The following CACNA1C variants were observed in gnomAD, a reference collection of about 807,000 sequenced individuals.
CACNA1C encodes voltage-dependent L-type calcium channel subunit alpha-1C.
A neutral mutation model predicts 229.0 loss-of-function variants in CACNA1C; 30 were observed. That is an observed-to-expected ratio of 0.13 (90% CI 0.10 to 0.18). The LOEUF (loss-of-function observed/expected upper bound fraction) is 0.18. CACNA1C is among the 10% of genes least tolerant of loss of function. The pLI is 1.00. For synonymous variants in CACNA1C, 1,114 were observed against 1,132.5 expected (o/e 0.98, Z 0.33); for missense variants, 1,658 against 2,845.0 (o/e 0.58, Z 9.49).
At chr12:2,069,905 A>AT (rs1462184484) in intron 1 of CACNA1C, among the ~76,000 whole-genome samples, 1 of 152,082 alleles carries the variant, frequency 6.6e-6, no homozygotes, top group Admixed American at 6.5e-5. Flanking sequence ...GCAGCCTCAA[A>AT]TTCCTGGACT....
At chr12:2,435,062 T>C (rs1405113400) in intron 3 of CACNA1C, among the ~76,000 whole-genome samples, 1 of 152,200 alleles carries the variant, frequency 6.6e-6, no homozygotes, top group Non-Finnish European at 1.5e-5. Flanking sequence ...GGCTGGAGTT[T>C]AGACCTCACC....
At chr12:2,629,356 C>T (rs999495682) in intron 29 of CACNA1C, among the ~76,000 whole-genome samples, 1 of 152,288 alleles carries the variant, frequency 6.6e-6, no homozygotes, top group South Asian at 2.1e-4. Flanking sequence ...AAGCAGAGGA[C>T]CCGGGAGGTA....
chr12:2,324,498 C>T (rs2096190618), intron 3 of CACNA1C, among the ~76,000 whole-genome samples: 1 of 152,226 alleles, frequency 6.6e-6, no homozygotes, highest in Non-Finnish European at 1.5e-5. Context: ...CTGAGGAACA[C>T]ACAGCAGCCC....
chr12:2,239,137 G>A (rs756669051), intron 3 of CACNA1C, among the ~76,000 whole-genome samples: 14 of 152,160 alleles, frequency 9.2e-5, no homozygotes, highest in Non-Finnish European at 1.8e-4. Flanking sequence ...GAAAGCGTCC[G>A]TGGGCAGGGC....
chr12:2,015,897 A>G (rs2045282563), intron 1 of CACNA1C, among the ~76,000 whole-genome samples: 1 of 152,220 alleles, frequency 6.6e-6, no homozygotes, highest in Non-Finnish European at 1.5e-5. Context: ...ATTATTTTTG[A>G]GGATTAAACA....
chr12:2,322,902 G>T lies in CACNA1C; in HGVS notation c.478-126074G>T, dbSNP rs539248492. 8.5e-5 allele frequency among the ~76,000 whole-genome samples: 13 copies of T among 152,354 alleles called. No individual in the cohort carries two copies. In the East Asian group the frequency reaches 1.3e-3, roughly 16 times the overall value. ...AAGCACTCCACAAACGTGAGTGGTTGGGTGATGAAGTGGCCCTCCGCCTGC... is the reference window on the plus strand; with the variant it reads ...AAGCACTCCACAAACGTGAGTGGTTTGGTGATGAAGTGGCCCTCCGCCTGC... On this transcript the variant is annotated intron_variant, in intron 3 of 46. Transcript: ENST00000399655.
chr12:2,664,804 G>A (rs768172384), intron 34 of CACNA1C, 21 bp from the exon 35 acceptor site: 44 of 1,548,300 alleles, frequency 2.8e-5, no homozygotes, highest in South Asian at 8.4e-5. Flanking sequence ...CTGCATGAAC[G>A]TGGCTCTCCC....
At chr12:2,584,138 G>A (rs999471346) in intron 15 of CACNA1C, among the ~76,000 whole-genome samples, 4 of 152,228 alleles carry the variant, frequency 2.6e-5, no homozygotes, top group Non-Finnish European at 4.4e-5. Flanking sequence ...TCTTAAGAGC[G>A]TTCTGCATCC....
chr12:2,551,242 C>G (rs1023318031), intron 10 of CACNA1C, among the ~76,000 whole-genome samples: 1 of 152,032 alleles, frequency 6.6e-6, no homozygotes, highest in East Asian at 1.9e-4. Flanking sequence ...AGTCGCATAC[C>G]AGGAGGGACT....
intron 4 of CACNA1C, among the ~76,000 whole-genome samples, chr12:2,450,503 G>A (rs983780967): frequency 2.4e-5 from 3 of 122,696 alleles, no homozygotes; most frequent in Non-Finnish European, 4.7e-5. Context: ...ACAGTGAGCC[G>A]AGATCATGCC....
intron 3 of CACNA1C, among the ~76,000 whole-genome samples, chr12:2,187,467 G>A (rs556945017): frequency 2.0e-4 from 31 of 152,340 alleles, no homozygotes; most frequent in Non-Finnish European, 3.8e-4. Context: ...GGGACAGAGT[G>A]GGCACACAGA....
chr12:2,681,043 G>A (rs770882741), intron 42 of CACNA1C, among the ~76,000 whole-genome samples: 6 of 152,110 alleles, frequency 3.9e-5, no homozygotes, highest in Non-Finnish European at 7.4e-5. Context: ...CCCCTTCCAC[G>A]GCCTTTGAGG....
Position 2,633,872 on chromosome 12 carries a change from C to T in CACNA1C, c.3829-425C>T, listed in dbSNP as rs1190585555. Among the ~76,000 whole-genome samples the T allele has an allele frequency of 1.3e-5, 2 of 152,234 alleles. No homozygotes were observed. Among genetic ancestry groups the T allele is most frequent in the African/African-American group, 4.8e-5 (2 of 41,550 alleles). On this transcript the variant is annotated intron_variant, in intron 29 of 46. Coordinates refer to ENST00000399655, the MANE Select transcript of CACNA1C (RefSeq NM_000719.7). This position sits in a 1 kb window ranked among gnomAD's most constrained non-coding sequence, Gnocchi z 5.8. ...TCATGCCTTTTATTGAACCTGCCGT[C>T]GTCCTGTGGGGGAAAAAAAGTGGGA...
rs138579794 is a variant in CACNA1C, at chr12:2,477,739, C to T, written c.758-8365C>T. ...AGTGGTCCTTTATACAGAATGCTGT[C>T]CTTCCCACTTTCTGTAACCACTCTT... On this transcript the variant is annotated intron_variant, in intron 5 of 46. Coordinates refer to ENST00000399655, the MANE Select transcript of CACNA1C (RefSeq NM_000719.7). Among the ~76,000 whole-genome samples, 613 of 152,200 alleles carry T rather than the reference C, an allele frequency of 4.0e-3. 2 individuals are homozygous for T. Among genetic ancestry groups the T allele is most frequent in the Non-Finnish European group, 7.1e-3 (481 of 68,006 alleles).
chr12:2,457,993 A>G (rs1316240618), intron 5 of CACNA1C, among the ~76,000 whole-genome samples: 1 of 152,204 alleles, frequency 6.6e-6, no homozygotes, highest in Admixed American at 6.5e-5. Flanking sequence ...GCCACCCTGG[A>G]GGCCCTGGGA....
intron 5 of CACNA1C, among the ~76,000 whole-genome samples, chr12:2,482,290 C>A (rs939071353): frequency 6.6e-6 from 1 of 152,250 alleles, no homozygotes; most frequent in Non-Finnish European, 1.5e-5. Context: ...GCTGCAAGCA[C>A]GTGTCACTGC....
chr12:2,353,642 G>T (rs1179010091), intron 3 of CACNA1C, among the ~76,000 whole-genome samples: 1 of 152,152 alleles, frequency 6.6e-6, no homozygotes, highest in African/African-American at 2.4e-5. Flanking sequence ...CCATTGTGTT[G>T]GGGCTCAGGG....
intron 3 of CACNA1C, among the ~76,000 whole-genome samples, chr12:2,324,983 C>T (rs1486930606): frequency 5.3e-5 from 8 of 152,204 alleles, no homozygotes; most frequent in Admixed American, 5.2e-4. Flanking sequence ...AACACTGAGG[C>T]TCAGAGAGGT....
chr12:2,084,623 A>AG, intron 1 of CACNA1C, among the ~76,000 whole-genome samples: 1 of 152,178 alleles, frequency 6.6e-6, no homozygotes, highest in Non-Finnish European at 1.5e-5. Flanking sequence ...GAAGGGACAC[A>AG]GGGCTTCAGC....
Sources: gnomAD v4.1 joint callset for allele counts (sites outside exome capture counted in the v4.1 genomes callset) on GRCh38, gnomAD v4.1.1 for gene constraint, Gnocchi (gnomAD v3.1) non-coding constraint, MANE v1.5 for transcripts, NCBI Gene and HGNC (gene_info 2026-07-23, HGNC 2026-07-21) for gene names.